Variants in KIT observed in about 807,000 individuals in gnomAD.
KIT encodes KIT proto-oncogene, receptor tyrosine kinase, also known as mast/stem cell growth factor receptor Kit.
In KIT, 16 loss-of-function variants were observed where a neutral mutation model predicts 105.7. The ratio of observed to expected loss-of-function variants is 0.15; its 90% confidence interval spans 0.10 to 0.23. The LOEUF (loss-of-function observed/expected upper bound fraction) is 0.23, where lower values mean the gene tolerates loss of function less well. KIT is among the 10% of genes least tolerant of loss of function. The pLI is 1.00. For synonymous variants in KIT, 438 were observed against 441.1 expected, an observed-to-expected ratio of 0.99 and a Z score of 0.09; for missense variants, 858 against 1,213.8, an observed-to-expected ratio of 0.71 and a Z score of 4.36.
At chr4:54,675,240 A>G (rs932233624) in intron 1 of KIT, among the ~76,000 whole-genome samples, 1 of 152,232 alleles carries the variant, frequency 6.6e-6, no homozygotes, top group African/African-American at 2.4e-5. Flanking sequence ...CTAAAGCCAT[A>G]TGAAGAATAA....
intron 14 of KIT, among the ~76,000 whole-genome samples, chr4:54,730,030 C>G (rs1308638644): frequency 2.6e-5 from 4 of 152,138 alleles, no homozygotes; most frequent in African/African-American, 9.7e-5. Context: ...ATAACTACTC[C>G]AGCACATTTT....
At chr4:54,734,209 T>A (rs894586068) in intron 17 of KIT, among the ~76,000 whole-genome samples, 1 of 152,186 alleles carries the variant, frequency 6.6e-6, no homozygotes, top group Non-Finnish European at 1.5e-5. Flanking sequence ...TATCCAGTCC[T>A]CTGAATATTG....
chr4:54,705,796 T>G (rs1720750615), intron 5 of KIT, among the ~76,000 whole-genome samples: 1 of 152,136 alleles, frequency 6.6e-6, no homozygotes, highest in Non-Finnish European at 1.5e-5. Context: ...GCAGGAGGAT[T>G]GCTTGAGCCC....
intron 20 of KIT, 123 bp from the exon 21 acceptor site, chr4:54,738,306 G>T: frequency 8.1e-7 from 1 of 1,232,052 alleles, no homozygotes; most frequent in Non-Finnish European, 1.2e-6. Context: ...CAAAGTTCTT[G>T]GAAACCACTT....
At chr4:54,715,673 C>T (rs956945072) in intron 7 of KIT, among the ~76,000 whole-genome samples, 1 of 152,062 alleles carries the variant, frequency 6.6e-6, no homozygotes, top group Non-Finnish European at 1.5e-5. Context: ...TCCCCATGAC[C>T]CAGACACCTC....
chr4:54,729,609 A>G, intron 14 of KIT, 124 bp downstream of exon 14: 9 of 888,472 alleles, frequency 1.0e-5, no homozygotes, highest in Non-Finnish European at 1.6e-5. Flanking sequence ...AATCAAAATT[A>G]TTAAATCATT....
chr4:54,687,196 G>C (rs1028324455), intron 1 of KIT, among the ~76,000 whole-genome samples: 2 of 152,144 alleles, frequency 1.3e-5, no homozygotes, highest in Non-Finnish European at 1.5e-5. Context: ...AATCAACTTT[G>C]GGAGGCCGAG....
At chr4:54,722,805 ATATATATATTTATATATATATATGTATT>A (rs1030304932) in intron 7 of KIT, among the ~76,000 whole-genome samples, 15 of 50,186 alleles carry the variant, frequency 3.0e-4, no homozygotes, top group Non-Finnish European at 4.5e-4. Flanking sequence ...ATTCAGATTT[ATATATATATTTATATATATATATGTATT>A]TATATATATT....
At chr4:54,693,127 GGA>G (rs1418960630) in intron 1 of KIT, among the ~76,000 whole-genome samples, 1 of 152,136 alleles carries the variant, frequency 6.6e-6, no homozygotes, top group African/African-American at 2.4e-5. Context: ...ACTACCCAAG[GGA>G]GAGGTCTGCA....
At chr4:54,688,906 C>T (rs2109635992) in intron 1 of KIT, among the ~76,000 whole-genome samples, 1 of 152,332 alleles carries the variant, frequency 6.6e-6, no homozygotes, top group Middle Eastern at 3.4e-3. Context: ...GGACAGCTGC[C>T]TATCTTTTGA....
rs374213377 is a variant in KIT at position 54,695,797 on chromosome 4, T to A, written c.337+16T>A. 5 of 1,614,188 alleles carry A rather than the reference T, an allele frequency of 3.1e-6. No individual in the cohort carries two copies. In the South Asian group the frequency reaches 5.5e-5, roughly 18 times the overall value. On this transcript the variant is annotated intron_variant, in intron 2 of 20. Coordinates refer to ENST00000288135, the MANE Select transcript of KIT (RefSeq NM_000222.3). ...TTTGTTAGAGGTAAATGCTTGGCTTTCTGCAGTGCTGTGCTTTCAAGAATT... is the reference window on the plus strand; with the variant it reads ...TTTGTTAGAGGTAAATGCTTGGCTTACTGCAGTGCTGTGCTTTCAAGAATT...
At chr4:54,706,162 T>G (rs1720775162) in intron 5 of KIT, among the ~76,000 whole-genome samples, 1 of 152,114 alleles carries the variant, frequency 6.6e-6, no homozygotes, top group Admixed American at 6.5e-5. Context: ...CCTGTAGCTA[T>G]CTATCTCATT....
At chr4:54,709,679 G>A in intron 7 of KIT, 140 bp downstream of exon 7, 1 of 705,978 alleles carries the variant, frequency 1.4e-6, no homozygotes, top group Non-Finnish European at 2.6e-6. Context: ...AGACTTCGTG[G>A]TTTGGTGGTT....
chr4:54,704,461 A>G lies in KIT; in HGVS notation c.925+569A>G, dbSNP rs10033304. Among the ~76,000 whole-genome samples the G allele has an allele frequency of 3.1e-3, 470 of 152,178 alleles. 2 individuals carry two copies. The highest frequency in any genetic ancestry group is 9.9e-3 in the African/African-American group (411 of 41,526). On this transcript the variant is annotated intron_variant, in intron 5 of 20. Transcript: ENST00000288135. Reference sequence around the variant, plus strand: ...AAGGAGTGCCATTGGGACACAGGTCATTGGTTCTACGGAGCATAAACTACA... The same window carrying G: ...AAGGAGTGCCATTGGGACACAGGTCGTTGGTTCTACGGAGCATAAACTACA...
chr4:54,738,079 C>T (rs994508226), intron 20 of KIT, among the ~76,000 whole-genome samples: 1 of 152,114 alleles, frequency 6.6e-6, no homozygotes, highest in Non-Finnish European at 1.5e-5. Flanking sequence ...GTGGGTTTCC[C>T]AGCAAATTAC....
intron 7 of KIT, among the ~76,000 whole-genome samples, chr4:54,720,833 G>C (rs1017168635): frequency 1.3e-5 from 2 of 152,150 alleles, no homozygotes; most frequent in Admixed American, 1.3e-4. Context: ...TACCATCTTT[G>C]TGTAGACTGG....
At chr4:54,723,045 T>C (rs1010540719) in intron 7 of KIT, among the ~76,000 whole-genome samples, 1 of 151,942 alleles carries the variant, frequency 6.6e-6, no homozygotes, top group Admixed American at 6.6e-5. Flanking sequence ...TCCCTGTAAA[T>C]AGAGTGATTC....
At chr4:54,723,738 GGAA>G in intron 8 of KIT, 40 bp downstream of exon 8, 1 of 1,103,592 alleles carries the variant, frequency 9.1e-7, no homozygotes, top group Non-Finnish European at 1.4e-6. Context: ...AATGCAGAGG[GGAA>G]GGACTGCAAT....
intron 9 of KIT, 50 bp downstream of exon 9, chr4:54,726,100 CA>C (rs754370612): frequency 7.0e-7 from 1 of 1,424,190 alleles, no homozygotes. Flanking sequence ...CTCTGTCTAC[CA>C]TATCAGTCAT....
Sources: gnomAD v4.1 joint callset for allele counts (sites outside exome capture counted in the v4.1 genomes callset) on GRCh38, gnomAD v4.1.1 for gene constraint, MANE v1.5 for transcripts, NCBI Gene and HGNC (gene_info 2026-07-23, HGNC 2026-07-21) for gene names.